Variants in PRKN observed in about 807,000 individuals in gnomAD.
PRKN encodes the protein E3 ubiquitin-protein ligase parkin.
A neutral mutation model predicts 59.5 loss-of-function variants in PRKN; 56 were observed. The observed-to-expected ratio is 0.94, with a 90% confidence interval of 0.76 to 1.18. The LOEUF is 1.18. Among genes scored for constraint, PRKN ranks in the 50% most tolerant of loss-of-function variants. PRKN has a pLI of 0.00. For synonymous variants in PRKN, 250 were observed against 222.1 expected, an observed-to-expected ratio of 1.13 and a Z score of -1.12; for missense variants, 657 against 596.4, an observed-to-expected ratio of 1.10 and a Z score of -1.06.
At position 161,444,260 on chromosome 6, in the gene PRKN, C is replaced by G. The variant is rs1562453779; in HGVS notation, c.1084-57383G>C. Among the ~76,000 whole-genome samples the G allele has an allele frequency of 6.6e-6, 1 of 152,158 alleles. No individual in the cohort carries two copies. Among genetic ancestry groups the G allele is most frequent in the Non-Finnish European group, 1.5e-5 (1 of 68,028 alleles). Reference sequence around the variant, plus strand: ...AAATCCTCTTGCCTGGAAGAGGCTCCCAATCATCTGTCAACTTGTCTTTCC... The same window carrying G: ...AAATCCTCTTGCCTGGAAGAGGCTCGCAATCATCTGTCAACTTGTCTTTCC... On this transcript the variant is annotated intron_variant, in intron 9 of 11. Transcript: ENST00000366898. The surrounding 1 kb of genome is among the most constrained non-coding windows in gnomAD (Gnocchi z 5.6).
intron 6 of PRKN, among the ~76,000 whole-genome samples, chr6:161,911,473 C>G (rs893339221): frequency 6.6e-6 from 1 of 152,176 alleles, no homozygotes; most frequent in African/African-American, 2.4e-5. Flanking sequence ...CCATTTCTAT[C>G]AGAACTCCTG....
chr6:161,515,050 T>C (rs1244079164), intron 9 of PRKN, among the ~76,000 whole-genome samples: 1 of 152,198 alleles, frequency 6.6e-6, no homozygotes, highest in African/African-American at 2.4e-5. Flanking sequence ...ACATGTCTTA[T>C]TTCCTTTAAA....
Position 161,671,785 on chromosome 6 carries a change from A to C in PRKN, c.872-102369T>G, listed in dbSNP as rs78929465. Among the ~76,000 whole-genome samples, 573 of 152,330 alleles carry C rather than the reference A, an allele frequency of 3.8e-3. 16 individuals carry two copies. The East Asian group carries it at 0.064, about 17-fold the overall frequency. On this transcript the variant is annotated intron_variant, in intron 7 of 11. Transcript: ENST00000366898. ...AGAGACAAAATGTAATGTTGACCAG[A>C]ATAAACAACGCTGTGTTCATCACTT... is the stretch of plus-strand genomic sequence containing the variant.
rs755318031 is a variant in PRKN, at chr6:161,497,976, G to A, written c.1083+50878C>T. 5.3e-5 allele frequency among the ~76,000 whole-genome samples: 8 copies of A among 152,118 alleles called. No homozygotes were observed. The East Asian group carries it at 5.8e-4, about 11-fold the overall frequency. ...ATGCTTCTAAATCTGATCAAATGAC[G>A]GGAGAGAGGAAACCTTTGCTTCCAT... On this transcript the variant is annotated intron_variant, in intron 9 of 11. Coordinates refer to ENST00000366898, the MANE Select transcript of PRKN (RefSeq NM_004562.3). This position sits in a 1 kb window ranked among gnomAD's most constrained non-coding sequence, Gnocchi z 4.6.
chr6:162,403,200 T>C (rs1787884882), intron 2 of PRKN, among the ~76,000 whole-genome samples: 2 of 152,118 alleles, frequency 1.3e-5, no homozygotes, highest in South Asian at 2.1e-4. Context: ...TCTGGCGCCT[T>C]TCGTCACTTG....
At chr6:162,201,058 A>G in intron 4 of PRKN, 73 bp downstream of exon 4, 1 of 1,508,442 alleles carries the variant, frequency 6.6e-7, no homozygotes, top group South Asian at 1.1e-5. Flanking sequence ...ACATCATTAG[A>G]AAAACTGAAA....
At chr6:162,120,405 C>A (rs1310402670) in intron 4 of PRKN, among the ~76,000 whole-genome samples, 1 of 152,212 alleles carries the variant, frequency 6.6e-6, no homozygotes, top group Non-Finnish European at 1.5e-5. Context: ...TCTATCATCA[C>A]AGGTAGGTAT....
At chr6:161,939,384 C>T (rs1439423510) in intron 6 of PRKN, among the ~76,000 whole-genome samples, 1 of 138,248 alleles carries the variant, frequency 7.2e-6, no homozygotes, top group Non-Finnish European at 1.5e-5. Context: ...TTCCACTGCA[C>T]TCCAGGCCTG....
chr6:162,023,321 A>C (rs1429742766), intron 5 of PRKN, among the ~76,000 whole-genome samples: 1 of 152,094 alleles, frequency 6.6e-6, no homozygotes, highest in Non-Finnish European at 1.5e-5. Context: ...CTGTATCCCC[A>C]GTTTCTTGCC....
intron 2 of PRKN, among the ~76,000 whole-genome samples, chr6:162,294,164 G>A (rs1267960198): frequency 6.6e-6 from 1 of 152,092 alleles, no homozygotes; most frequent in Non-Finnish European, 1.5e-5. Flanking sequence ...CGGTGCAAAT[G>A]TACTAAGAGT....
Position 161,545,374 on chromosome 6 carries a change from C to G in PRKN, c.1083+3480G>C, listed in dbSNP as rs373372440. On this transcript the variant is annotated intron_variant, in intron 9 of 11. Transcript: ENST00000366898. This position sits in a 1 kb window ranked among gnomAD's most constrained non-coding sequence, Gnocchi z 4.1. ...TTGCTACCAATGACTTTTCCTTGAACGATGTATTGAATGAGGCACTCACTT... is the reference window on the plus strand; with the variant it reads ...TTGCTACCAATGACTTTTCCTTGAAGGATGTATTGAATGAGGCACTCACTT... The G allele has an allele frequency of 6.2e-7, 1 of 1,611,762 alleles. No homozygotes were observed. The highest frequency in any genetic ancestry group is 2.2e-5 in the East Asian group (1 of 44,874).
chr6:162,305,510 C>T lies in PRKN; in HGVS notation c.172-42745G>A, dbSNP rs147943524. Reference sequence around the variant, plus strand: ...GCTGGGTCAGAGTATAATTCTTGAACGAGCTTCGCTCTTATTTCCAAATGC... The same window carrying T: ...GCTGGGTCAGAGTATAATTCTTGAATGAGCTTCGCTCTTATTTCCAAATGC... On this transcript the variant is annotated intron_variant, in intron 2 of 11. Transcript: ENST00000366898. Among the ~76,000 whole-genome samples the T allele has an allele frequency of 1.2e-3, 187 of 152,104 alleles. 1 individual carries two copies. Among genetic ancestry groups the T allele is most frequent in the African/African-American group, 4.0e-3 (165 of 41,492 alleles).
intron 1 of PRKN, among the ~76,000 whole-genome samples, chr6:162,570,833 AG>A (rs1369138808): frequency 6.6e-6 from 1 of 152,168 alleles, no homozygotes; most frequent in East Asian, 1.9e-4. Context: ...GGAGGATGGG[AG>A]GGAAAAAAAT....
chr6:161,755,363 G>A (rs1052625752), intron 7 of PRKN, among the ~76,000 whole-genome samples: 1 of 151,990 alleles, frequency 6.6e-6, no homozygotes, highest in African/African-American at 2.4e-5. Flanking sequence ...CCTCTCAGAT[G>A]ACAGTAAACA....
At chr6:161,851,673 A>G (rs1793440209) in intron 6 of PRKN, among the ~76,000 whole-genome samples, 1 of 151,452 alleles carries the variant, frequency 6.6e-6, no homozygotes, top group Non-Finnish European at 1.5e-5. Context: ...TTTGGTAGAG[A>G]CAGGGTTTCA....
rs545387060 is a variant in PRKN at position 161,537,637 on chromosome 6, G to A, written c.1083+11217C>T. 2.5e-4 allele frequency among the ~76,000 whole-genome samples: 38 copies of A among 152,124 alleles called. No homozygotes were observed. In the South Asian group the frequency reaches 7.3e-3, roughly 29 times the overall value. On this transcript the variant is annotated intron_variant, in intron 9 of 11. Coordinates refer to ENST00000366898, the MANE Select transcript of PRKN (RefSeq NM_004562.3). ...CGGCTAATTTTTTGTGTTTTTAGTAGAGACGGGGTTTCACCATGTTAGCCT... is the reference window on the plus strand; with the variant it reads ...CGGCTAATTTTTTGTGTTTTTAGTAAAGACGGGGTTTCACCATGTTAGCCT...
intron 2 of PRKN, among the ~76,000 whole-genome samples, chr6:162,317,715 C>A (rs1782810715): frequency 6.6e-6 from 1 of 151,800 alleles, no homozygotes; most frequent in Non-Finnish European, 1.5e-5. Context: ...TGTGATGGCT[C>A]CTGAGGGTAG....
chr6:162,201,002 T>G, intron 4 of PRKN, 129 bp downstream of exon 4: 1 of 1,069,288 alleles, frequency 9.4e-7, no homozygotes, highest in Non-Finnish European at 1.4e-6. Context: ...TCATTAACTA[T>G]CACAACCACA....
At chr6:162,394,435 C>G (rs149212730) in intron 2 of PRKN, among the ~76,000 whole-genome samples, 1 of 152,090 alleles carries the variant, frequency 6.6e-6, no homozygotes, top group Non-Finnish European at 1.5e-5. Context: ...ACTGAGTACT[C>G]GATGTAATTG....
Sources: gnomAD v4.1 joint callset for allele counts (sites outside exome capture counted in the v4.1 genomes callset) on GRCh38, gnomAD v4.1.1 for gene constraint, Gnocchi (gnomAD v3.1) non-coding constraint, MANE v1.5 for transcripts, NCBI Gene and HGNC (gene_info 2026-07-23, HGNC 2026-07-21) for gene names.